The following PAPOLG variants were observed in gnomAD, a reference collection of about 807,000 sequenced individuals.
The protein encoded by PAPOLG is poly(A) polymerase gamma, also known as PAP-gamma.
Under a neutral mutation model 99.0 loss-of-function variants are expected in PAPOLG, and 40 were observed. The observed-to-expected ratio is 0.40, with a 90% CI of 0.31 to 0.53. The LOEUF is 0.53. Among genes scored for constraint, PAPOLG ranks in the 20% least tolerant of loss-of-function variants. PAPOLG has a pLI of 0.41. For synonymous variants in PAPOLG, 310 were observed against 299.3 expected (o/e 1.04, Z -0.37); for missense variants, 675 against 884.1 (o/e 0.76, Z 3.00).
intron 14 of PAPOLG, 84 bp from the exon 15 acceptor site, chr2:60,787,427 A>G (rs973550369): frequency 1.4e-6 from 2 of 1,462,246 alleles, no homozygotes; most frequent in Admixed American, 4.6e-5. Context: ...AGACATAGAG[A>G]CCAAGTTTTA....
intron 2 of PAPOLG, 53 bp downstream of exon 2, chr2:60,760,348 T>C: frequency 6.7e-7 from 1 of 1,500,136 alleles, no homozygotes; most frequent in Non-Finnish European, 9.2e-7. Flanking sequence ...TAATCATTAA[T>C]TCTGCGAACA....
intron 9 of PAPOLG, 72 bp downstream of exon 9, chr2:60,779,847 G>C: frequency 7.5e-7 from 1 of 1,338,218 alleles, no homozygotes; most frequent in Non-Finnish European, 1.0e-6. Flanking sequence ...GGAAATTTAA[G>C]AGCTATACAT....
intron 1 of PAPOLG, 61 bp downstream of exon 1, chr2:60,756,556 C>T: frequency 6.6e-7 from 1 of 1,523,702 alleles, no homozygotes; most frequent in Non-Finnish European, 8.9e-7. Context: ...GGTGGTCCGA[C>T]TGTGTCCTTG....
rs901561023 is a variant in PAPOLG at position 60,797,282 on chromosome 2, T to G, written c.*122T>G. ...AAGGTGAAAGTGACAGCCTTCAGTC[T>G]AATAACCTTGAAGTGGTTTTTGAAC... On this transcript the variant is annotated 3_prime_UTR_variant, in exon 22 of 22. Coordinates refer to ENST00000238714, the MANE Select transcript of PAPOLG (RefSeq NM_022894.4). 8.7e-6 allele frequency: 11 copies of G among 1,263,342 alleles called. No homozygotes were observed. Among genetic ancestry groups the G allele is most frequent in the Non-Finnish European group, 1.2e-5 (11 of 898,496 alleles). The allele number at this position is 1,263,342 out of a possible 1,614,324, so 78.3% of individuals were successfully genotyped here. A position where few individuals can be genotyped will look rare whatever the true frequency, so the allele number is the denominator to read the frequency against.
chr2:60,761,001 A>G (rs547809683), intron 2 of PAPOLG, among the ~76,000 whole-genome samples: 4 of 152,306 alleles, frequency 2.6e-5, no homozygotes, highest in African/African-American at 9.6e-5. Flanking sequence ...AACCTGGAGG[A>G]TGGTCGTAGA....
intron 2 of PAPOLG, among the ~76,000 whole-genome samples, chr2:60,761,159 A>G (rs1670511983): frequency 6.6e-6 from 1 of 152,210 alleles, no homozygotes; most frequent in South Asian, 2.1e-4. Flanking sequence ...TTTGTGGAAG[A>G]CTGAGGAAGA....
chr2:60,774,046 G>A (rs1251826008), intron 7 of PAPOLG, among the ~76,000 whole-genome samples: 1 of 152,120 alleles, frequency 6.6e-6, no homozygotes, highest in Non-Finnish European at 1.5e-5. Context: ...GTGTGGTGGT[G>A]AAGATATTTT....
rs1671744190 is a variant in PAPOLG at position 60,797,403 on chromosome 2, T to C, written c.*243T>C. 1.1e-5 allele frequency: 5 copies of C among 473,432 alleles called. No individual in the cohort carries two copies. In the South Asian group the frequency reaches 1.4e-4, roughly 13 times the overall value. 29.3% of individuals were successfully genotyped at this position (473,432 alleles called of 1,614,324 possible). ...CCTGCTGTCAAATTGCCATCTACAGTATTACAGCTTTGCATTTGGGGGTTT... is the reference window on the plus strand; with the variant it reads ...CCTGCTGTCAAATTGCCATCTACAGCATTACAGCTTTGCATTTGGGGGTTT... On this transcript the variant is annotated 3_prime_UTR_variant, in exon 22 of 22. Transcript: ENST00000238714.
chr2:60,760,561 C>T (rs937241005), intron 2 of PAPOLG, among the ~76,000 whole-genome samples: 1 of 152,110 alleles, frequency 6.6e-6, no homozygotes, highest in Non-Finnish European at 1.5e-5. Context: ...CAGGGAAAGC[C>T]TCATTGAGAA....
rs1172588455 is a variant in PAPOLG at position 60,782,154 on chromosome 2, A to C, written c.1027+149A>C. 3 of 880,046 alleles carry C rather than the reference A, an allele frequency of 3.4e-6. No individual in the cohort carries two copies. In the African/African-American group the frequency reaches 5.1e-5, roughly 15 times the overall value. 54.5% of individuals were successfully genotyped at this position (880,046 alleles called of 1,614,324 possible). A position where few individuals can be genotyped will look rare whatever the true frequency, so the allele number is the denominator to read the frequency against. On this transcript the variant is annotated intron_variant, in intron 11 of 21. Transcript: ENST00000238714. ...AGTATGGTTATTTTGTTTTTTAGTAATGAGTTTTCAAAAGTATATGATAAT... is the reference window on the plus strand; with the variant it reads ...AGTATGGTTATTTTGTTTTTTAGTACTGAGTTTTCAAAAGTATATGATAAT...
At chr2:60,777,800 G>A (rs1229766005) in intron 8 of PAPOLG, among the ~76,000 whole-genome samples, 1 of 152,118 alleles carries the variant, frequency 6.6e-6, no homozygotes, top group Non-Finnish European at 1.5e-5. Flanking sequence ...GGAGAGAGAT[G>A]GGTAATGACC....
At chr2:60,773,165 G>A (rs1055327396) in intron 7 of PAPOLG, among the ~76,000 whole-genome samples, 5 of 152,124 alleles carry the variant, frequency 3.3e-5, no homozygotes, top group African/African-American at 9.7e-5. Flanking sequence ...GATATCAGGT[G>A]ATGCCAACCT....
rs1671240252 is a variant in PAPOLG at position 60,783,024 on chromosome 2, A to T, written c.1113-132A>T. ...ATTTTGTGAAAATCAGAGCACATTT[A>T]ATTTTCATAAACTGTGTGCCTTTAT... is the stretch of plus-strand genomic sequence containing the variant. On this transcript the variant is annotated intron_variant, in intron 12 of 21. Transcript: ENST00000238714. The T allele has an allele frequency of 3.3e-6, 3 of 922,192 alleles. No individual in the cohort carries two copies. The East Asian group carries it at 8.7e-5, about 27-fold the overall frequency. 57.1% of individuals were successfully genotyped at this position (922,192 alleles called of 1,614,324 possible).
At chr2:60,782,300 C>G (rs1671212587) in intron 11 of PAPOLG, among the ~76,000 whole-genome samples, 1 of 152,090 alleles carries the variant, frequency 6.6e-6, no homozygotes, top group Non-Finnish European at 1.5e-5. Flanking sequence ...GGCGCGATGG[C>G]TCATGCCTAT....
rs1261505772 is a variant in PAPOLG at position 60,756,441 on chromosome 2, G to A, written c.-38G>A. 4.3e-6 allele frequency: 7 copies of A among 1,613,376 alleles called. No homozygotes were observed. Among genetic ancestry groups the A allele is most frequent in the Non-Finnish European group, 5.1e-6 (6 of 1,179,754 alleles). ...GGAACAGCAAGAACAGGACTCCAGA[G>A]CGATAAACACTCGCTGGAGAGGGAG... is the stretch of plus-strand genomic sequence containing the variant. On this transcript the variant is annotated 5_prime_UTR_variant, in exon 1 of 22. Transcript: ENST00000238714.
At chr2:60,770,396 T>A in intron 5 of PAPOLG, 62 bp from the exon 6 acceptor site, 2 of 1,350,918 alleles carry the variant, frequency 1.5e-6, no homozygotes, top group Non-Finnish European at 2.0e-6. Flanking sequence ...ACATTATTGG[T>A]AGTTAGGAAG....
At chr2:60,759,100 G>C (rs1670445526) in intron 1 of PAPOLG, among the ~76,000 whole-genome samples, 1 of 151,990 alleles carries the variant, frequency 6.6e-6, no homozygotes, top group Non-Finnish European at 1.5e-5. Flanking sequence ...TGAGCGCGGG[G>C]GCTCACGCCT....
intron 15 of PAPOLG, among the ~76,000 whole-genome samples, chr2:60,791,013 C>G (rs1445392925): frequency 6.6e-6 from 1 of 151,860 alleles, no homozygotes; most frequent in Non-Finnish European, 1.5e-5. Flanking sequence ...AGCTTGAACC[C>G]CGGAGGCAGA....
chr2:60,768,451 C>A lies in PAPOLG; in HGVS notation c.247-19C>A, dbSNP rs561164318. ...AATAATTTGAATAATTGAATGTCTT[C>A]CGCTTAATTTTATTTTAGAACCTCC... On this transcript the variant is annotated intron_variant, in intron 3 of 21. Transcript: ENST00000238714. 3.1e-5 allele frequency: 50 copies of A among 1,611,058 alleles called. No individual in the cohort carries two copies. Among genetic ancestry groups the A allele is most frequent in the Non-Finnish European group, 4.2e-5 (49 of 1,178,626 alleles).
Sources: allele counts gnomAD v4.1 joint callset (sites outside exome capture counted in the v4.1 genomes callset), GRCh38; gene constraint gnomAD v4.1.1; transcripts MANE v1.5; gene names NCBI Gene and HGNC (gene_info 2026-07-23, HGNC 2026-07-21).